Variants in CLIP3 observed in about 807,000 individuals in gnomAD.
CLIP3 encodes CAP-Gly domain containing linker protein 3.
CLIP3 carries 15 observed loss-of-function variants against 59.4 expected under a neutral mutation model. The observed-to-expected ratio is 0.25, with a 90% confidence interval of 0.17 to 0.39. The LOEUF is 0.39. Ranked by LOEUF, CLIP3 falls within the 10% of genes least tolerant of loss-of-function variation. The probability of loss-of-function intolerance (pLI) is 1.00; values close to 1 mark genes in which losing one functional copy is unlikely to be tolerated. For missense variants in CLIP3, 495 were observed against 765.7 expected (o/e 0.65, Z 4.17); for synonymous variants, 300 against 321.6 (o/e 0.93, Z 0.72).
In CLIP3 at chr19:36,016,258, G is replaced by C. The variant is rs1420778795; in HGVS notation, c.1590-46C>G. 3 of 1,606,982 alleles carry C rather than the reference G, an allele frequency of 1.9e-6. No individual in the cohort carries two copies. The East Asian group carries it at 6.7e-5, about 36-fold the overall frequency. The stretch of plus-strand genomic sequence containing the variant: ...GTCACGCCCTTAGGCAGGCAGCGGG[G>C]ACATCTGCACCCATCACCCCCAGCC... On this transcript the variant is annotated intron_variant, in intron 13 of 13. Transcript: ENST00000360535. The surrounding 1 kb of genome is among the most constrained non-coding windows in gnomAD (Gnocchi z 4.1).
In CLIP3 at chr19:36,027,211, G is replaced by A; in HGVS notation, c.227C>T (p.Thr76Ile). Residue 76 changes from threonine to isoleucine, a missense_variant, in exon 3 of 14, where the codon ACC becomes ATC. Thr to Ile is a moderately conservative substitution (Grantham distance 89). Coordinates refer to ENST00000360535, the MANE Select transcript of CLIP3 (RefSeq NM_015526.3). The stretch of plus-strand genomic sequence containing the variant: ...AATGGCAAACAGCTCGGGGATGGTG[G>A]TCTGAGGGTCAAACAGGATCTCCTG... The part of the protein sequence containing the change: ...ACQEILFDPQ[T>I]TIPELFAIVR... 4 of 1,613,782 alleles carry A rather than the reference G, an allele frequency of 2.5e-6. No homozygotes were observed. Among genetic ancestry groups the A allele is most frequent in the Non-Finnish European group, 2.5e-6 (3 of 1,179,862 alleles).
intron 2 of CLIP3, among the ~76,000 whole-genome samples, chr19:36,031,471 C>T (rs1969265263): frequency 6.6e-6 from 1 of 152,220 alleles, no homozygotes; most frequent in African/African-American, 2.4e-5. Flanking sequence ...CAGCATAAGG[C>T]TTGTCACAGA....
rs771036549 is a variant in CLIP3, at chr19:36,019,172, CT to C, written c.1052del (p.Gln351ArgfsTer154). The C allele has an allele frequency of 6.2e-7, 1 of 1,614,016 alleles. No individual in the cohort carries two copies. Among genetic ancestry groups the C allele is most frequent in the Non-Finnish European group, 8.5e-7 (1 of 1,180,052 alleles). ...TCTTGGGCCCGAGGTCGGACTAACC[CT>C]GCTTGGGAGGGCAGATGAAGTACCG... ...GVRYFICPPK[Q>X]GLFASVSKIS... On this transcript the variant is annotated frameshift_variant and splice_region_variant, in exon 8 of 14. Transcript: ENST00000360535. LOFTEE classifies it high-confidence loss of function.
Position 36,026,523 on chromosome 19 carries a change from C to T in CLIP3, c.562+63G>A, listed in dbSNP as rs1969113872. ...TCCTTCCCCTCGCAGCCTGGCCTCA[C>T]CTGGGTCTCCGCGTCCCTCACCCAG... On this transcript the variant is annotated intron_variant, in intron 5 of 13. Coordinates refer to ENST00000360535, the MANE Select transcript of CLIP3 (RefSeq NM_015526.3). This position sits in a 1 kb window ranked among gnomAD's most constrained non-coding sequence, Gnocchi z 6.3. The T allele has an allele frequency of 5.0e-6, 8 of 1,598,950 alleles. No homozygotes were observed. In the East Asian group the frequency reaches 1.6e-4, roughly 31 times the overall value.
rs1968755463 is a variant in CLIP3, at chr19:36,015,043, G to T, written c.*1115C>A. On this transcript the variant is annotated 3_prime_UTR_variant, in exon 14 of 14. Coordinates refer to ENST00000360535, the MANE Select transcript of CLIP3 (RefSeq NM_015526.3). ...TTTCCAGGGATGGGAATTCCTGTGT[G>T]GGGTTTCCTGGTGCCTGTGAATAGG... The T allele has an allele frequency of 6.6e-6, 1 of 152,268 alleles. No individual in the cohort carries two copies. Among genetic ancestry groups the T allele is most frequent in the Admixed American group, 6.5e-5 (1 of 15,280 alleles). 9.4% of individuals were successfully genotyped at this position (152,268 alleles called of 1,614,324 possible). A position where few individuals can be genotyped will look rare whatever the true frequency, so the allele number is the denominator to read the frequency against.
chr19:36,018,063 A>C lies in CLIP3; in HGVS notation c.1184-72T>G, dbSNP rs1968849729. On this transcript the variant is annotated intron_variant, in intron 9 of 13. Transcript: ENST00000360535. ...TTTGGGAACCTCGTGCCACCTGGAA[A>C]ACCCCAAGGTAGAAAACCCTGTTCT... 3.3e-5 allele frequency: 52 copies of C among 1,559,238 alleles called. 1 individual carries two copies. The South Asian group carries it at 5.9e-4, about 18-fold the overall frequency.
At position 36,026,292 on chromosome 19, in the gene CLIP3, C is replaced by T. The variant is rs1176892757; in HGVS notation, c.563-27G>A. On this transcript the variant is annotated intron_variant, in intron 5 of 13. Coordinates refer to ENST00000360535, the MANE Select transcript of CLIP3 (RefSeq NM_015526.3). The surrounding 1 kb of genome is among the most constrained non-coding windows in gnomAD (Gnocchi z 6.3). ...TGGAAGTGGGCAAGAGGAGGGGTTC[C>T]GGGTGAGCGCCTGTGGGACCCCAGC... 1 of 1,576,222 alleles carries T rather than the reference C, an allele frequency of 6.3e-7. No homozygotes were observed.
chr19:36,016,309 C>T lies in CLIP3; in HGVS notation c.1590-97G>A. On this transcript the variant is annotated intron_variant, in intron 13 of 13. Coordinates refer to ENST00000360535, the MANE Select transcript of CLIP3 (RefSeq NM_015526.3). The surrounding 1 kb of genome is among the most constrained non-coding windows in gnomAD (Gnocchi z 4.1). Reference sequence around the variant, plus strand: ...TTTCCCCCAGTGTTTGCTATCAGGCCTTTCTGGATTCTGCCTCTACCTCTC... The same window carrying T: ...TTTCCCCCAGTGTTTGCTATCAGGCTTTTCTGGATTCTGCCTCTACCTCTC... 5 of 1,384,864 alleles carry T rather than the reference C, an allele frequency of 3.6e-6. No individual in the cohort carries two copies. Among genetic ancestry groups the T allele is most frequent in the Non-Finnish European group, 5.1e-6 (5 of 985,042 alleles). 85.8% of individuals were successfully genotyped at this position (1,384,864 alleles called of 1,614,324 possible). A position where few individuals can be genotyped will look rare whatever the true frequency, so the allele number is the denominator to read the frequency against.
chr19:36,018,933 G>A lies in CLIP3; in HGVS notation c.1148C>T (p.Ser383Phe). The stretch of plus-strand genomic sequence containing the variant: ...CCTGCGGCCTTTGCCGGTGACACGG[G>A]AGAAGTCCATCCGGGGGGTCCGGGG... ...STPRTPRMDF[S>F]RVTGKGRREH... Residue 383 changes from serine (S) to phenylalanine (F), a missense_variant, in exon 9 of 14, where the codon TCC becomes TTC. Physicochemically the swap from Ser to Phe is radical, Grantham distance 155 (BLOSUM62 -2). This residue lies in a region of CLIP3 where 179 missense variants were observed against 226.2 expected (regional missense o/e 0.79). Transcript: ENST00000360535. 4 of 1,613,584 alleles carry A rather than the reference G, an allele frequency of 2.5e-6. No individual in the cohort carries two copies. Among genetic ancestry groups the A allele is most frequent in the Non-Finnish European group, 3.4e-6 (4 of 1,179,754 alleles).
chr19:36,021,817 T>TG (rs1340994613), intron 7 of CLIP3, among the ~76,000 whole-genome samples: 1 of 152,238 alleles, frequency 6.6e-6, no homozygotes, highest in African/African-American at 2.4e-5. Flanking sequence ...CACCTCTCCA[T>TG]GCCTCAGTTC....
In CLIP3 at chr19:36,017,999, T is replaced by C. The variant is rs767463095; in HGVS notation, c.1184-8A>G. 5 of 1,613,270 alleles carry C rather than the reference T, an allele frequency of 3.1e-6. No homozygotes were observed. Among genetic ancestry groups the C allele is most frequent in the Non-Finnish European group, 4.2e-6 (5 of 1,179,976 alleles). ...ATGGGGTCTTCTTCTTGCCTAAGGG[T>C]AGAAGGTGTAGGAGGTGGGTAGTGG... On this transcript the variant is annotated splice_region_variant and splice_polypyrimidine_tract_variant and intron_variant, in intron 9 of 13. Coordinates refer to ENST00000360535, the MANE Select transcript of CLIP3 (RefSeq NM_015526.3).
rs757697050 is a variant in CLIP3 at position 36,019,210 on chromosome 19, C to T, written c.1015G>A (p.Val339Ile). ...DEPEGKNDGS[V>I]GGVRYFICPP... is the part of the protein sequence containing the mutation. ...CAGATGAAGTACCGAACGCCCCCAA[C>T]GCTGCCATCGTTCTTGCCCTCAGGT... The change falls in exon 8 of 14, where the codon GTT becomes ATT. Residue 339 changes from valine (V) to isoleucine (I), a missense_variant. Physicochemically the swap from Val to Ile is conservative, Grantham distance 29. This residue lies in a region of CLIP3 where 194 missense variants were observed against 327.8 expected (regional missense o/e 0.59). Transcript: ENST00000360535. 19 of 1,614,076 alleles carry T rather than the reference C, an allele frequency of 1.2e-5. No homozygotes were observed. The highest frequency in any genetic ancestry group is 1.5e-5 in the Non-Finnish European group (18 of 1,180,040).
At chr19:36,024,215 G>T in intron 7 of CLIP3, 181 bp downstream of exon 7, 1 of 610,516 alleles carries the variant, frequency 1.6e-6, no homozygotes, top group Non-Finnish European at 2.9e-6. Context: ...TCAGCACAGG[G>T]TGAGGCTCAA....
Position 36,032,421 on chromosome 19 carries a change from G to A in CLIP3, c.-58-6C>T. ...GGGCAGCCTTCAGGCAAATCCTGGA[G>A]GCAGAGGTCAGCTGGAGAGGGTGCC... On this transcript the variant is annotated splice_region_variant and splice_polypyrimidine_tract_variant and intron_variant, in intron 1 of 13. Coordinates refer to ENST00000360535, the MANE Select transcript of CLIP3 (RefSeq NM_015526.3). This position sits in a 1 kb window ranked among gnomAD's most constrained non-coding sequence, Gnocchi z 4.3. 1 of 781,738 alleles carries A rather than the reference G, an allele frequency of 1.3e-6. No individual in the cohort carries two copies. The highest frequency in any genetic ancestry group is 1.8e-6 in the Non-Finnish European group (1 of 566,958). 48.4% of individuals were successfully genotyped at this position (781,738 alleles called of 1,614,324 possible). A position where few individuals can be genotyped will look rare whatever the true frequency, so the allele number is the denominator to read the frequency against.
Position 36,017,862 on chromosome 19 carries a change from G to A in CLIP3, c.1313C>T (p.Thr438Ile). The change falls in exon 10 of 14, where the codon ACA (threonine) becomes ATA (isoleucine). Residue 438 changes from threonine to isoleucine, a missense_variant. Physicochemically the swap from Thr to Ile is moderately conservative, Grantham distance 89. This residue lies in a region of CLIP3 where 179 missense variants were observed against 226.2 expected (regional missense o/e 0.79). Coordinates refer to ENST00000360535, the MANE Select transcript of CLIP3 (RefSeq NM_015526.3). ...CCCATCCTCACCTGGGGCAAAGTCTGTCTTCCCGTAGAAGCGCACGATCCC... is the reference window on the plus strand; with the variant it reads ...CCCATCCTCACCTGGGGCAAAGTCTATCTTCCCGTAGAAGCGCACGATCCC... ...KQGIVRFYGK[T>I]DFAPGYWYGI... The A allele has an allele frequency of 3.1e-6, 5 of 1,614,166 alleles. No individual in the cohort carries two copies. Among genetic ancestry groups the A allele is most frequent in the South Asian group, 1.1e-5 (1 of 91,082 alleles).
Position 36,016,736 on chromosome 19 carries a change from G to T in CLIP3, c.1589+171C>A. ...CGAAAGTGGAATTCACTAGAATTCA[G>T]TGCGGGGCCCTACACCCTAAAGACT... is the stretch of plus-strand genomic sequence containing the variant. On this transcript the variant is annotated intron_variant, in intron 13 of 13. Transcript: ENST00000360535. This position sits in a 1 kb window ranked among gnomAD's most constrained non-coding sequence, Gnocchi z 4.1. The T allele has an allele frequency of 1.5e-6, 1 of 668,422 alleles. No homozygotes were observed. Among genetic ancestry groups the T allele is most frequent in the Non-Finnish European group, 2.6e-6 (1 of 382,778 alleles). The allele number at this position is 668,422 out of a possible 1,614,324, so 41.4% of individuals were successfully genotyped here.
In CLIP3 at chr19:36,024,562, G is replaced by A. The variant is rs748741811; in HGVS notation, c.752C>T (p.Ala251Val). Residue 251 changes from alanine to valine, a missense_variant, in exon 7 of 14, where the codon GCG becomes GTG. Ala to Val is a moderately conservative substitution (Grantham distance 64). Coordinates refer to ENST00000360535, the MANE Select transcript of CLIP3 (RefSeq NM_015526.3). ...PMDMSLDKAEAALVAKELRTL... is the reference protein window; with the variant it reads ...PMDMSLDKAEVALVAKELRTL... ...CCGCAGCTCCTTGGCCACCAGTGCC[G>A]CCTCTGCCTTGTCCAGGGACATGTC... 1.7e-5 allele frequency: 28 copies of A among 1,614,100 alleles called. No individual in the cohort carries two copies. The highest frequency in any genetic ancestry group is 5.0e-5 in the Admixed American group (3 of 60,012).
At chr19:36,024,826 T>G (rs1202178328) in intron 6 of CLIP3, among the ~76,000 whole-genome samples, 194 bp from the exon 7 acceptor site, 2 of 152,136 alleles carry the variant, frequency 1.3e-5, no homozygotes, top group Non-Finnish European at 2.9e-5. Context: ...CAGTACGTTG[T>G]GAGGCCGAGG....
chr19:36,028,996 CTTTTTTTTTTTTTTTT>C (rs71167588), intron 2 of CLIP3, among the ~76,000 whole-genome samples: 3 of 65,276 alleles, frequency 4.6e-5, no homozygotes, highest in East Asian at 5.2e-4. Context: ...ATCTCCTACT[CTTTTTTTTTTTTTTTT>C]TTTTTTTTTT....
Sources: allele counts gnomAD v4.1 joint callset (sites outside exome capture counted in the v4.1 genomes callset), GRCh38; gene constraint gnomAD v4.1.1; regional missense constraint gnomAD v4.1.1; non-coding constraint Gnocchi (gnomAD v3.1); transcripts MANE v1.5; gene names NCBI Gene and HGNC (gene_info 2026-07-23, HGNC 2026-07-21).